The following IGF2 variants were observed in gnomAD, a reference collection of about 807,000 sequenced individuals.
The protein encoded by IGF2 is insulin like growth factor 2.
Under a neutral mutation model 12.0 loss-of-function variants are expected in IGF2, and 2 were observed. The observed-to-expected ratio is 0.17, with a 90% CI of 0.07 to 0.52. The LOEUF is 0.52. IGF2 is among the 20% of genes least tolerant of loss of function. The pLI, the probability that IGF2 is intolerant of heterozygous loss-of-function variation, is 0.95. For missense variants in IGF2, 211 were observed against 268.0 expected, an observed-to-expected ratio of 0.79 and a Z score of 1.48; for synonymous variants, 105 against 110.1, an observed-to-expected ratio of 0.95 and a Z score of 0.29.
At position 2,138,388 on chromosome 11, in the gene IGF2, TG is replaced by T. The variant is rs776260679; in HGVS notation, c.-167del. The stretch of plus-strand genomic sequence containing the variant: ...GCAGAGCGGGGGGATGGCTTTTTTT[TG>T]GGGGGGGGGGGAGAATTCGTCTGAT... On this transcript the variant is annotated 5_prime_UTR_variant, in exon 1 of 4. Transcript: ENST00000416167. 6,287 of 128,126 alleles carry T rather than the reference TG, an allele frequency of 0.049. 62 individuals are homozygous for T. The highest frequency in any genetic ancestry group is 0.11 in the East Asian group (249 of 2,230). The allele number at this position is 128,126 out of a possible 1,614,324, so 7.9% of individuals were successfully genotyped here.
In IGF2 at chr11:2,138,706, G is replaced by A; in HGVS notation, c.-484C>T. 1 of 751,308 alleles carries A rather than the reference G, an allele frequency of 1.3e-6. No individual in the cohort carries two copies. Among genetic ancestry groups the A allele is most frequent in the Non-Finnish European group, 1.6e-6 (1 of 621,064 alleles). 46.5% of individuals were successfully genotyped at this position (751,308 alleles called of 1,614,324 possible). A position where few individuals can be genotyped will look rare whatever the true frequency, so the allele number is the denominator to read the frequency against. Reference sequence around the variant, plus strand: ...CGAAGGCGAGAGGGCGGGCGTGAGGGGGGGAGGGAGTCGGAGGCTAGGAGC... The same window carrying A: ...CGAAGGCGAGAGGGCGGGCGTGAGGAGGGGAGGGAGTCGGAGGCTAGGAGC... On this transcript the variant is annotated 5_prime_UTR_variant, in exon 1 of 4. Coordinates refer to ENST00000416167, the MANE Select transcript of IGF2 (RefSeq NM_000612.6).
the IGF2 span, chr11:2,146,560 C>A: frequency 2.7e-6 from 1 of 373,354 alleles, no homozygotes; most frequent in Non-Finnish European, 5.4e-6. Context: ...GGTTGGGGTG[C>A]TTGGGAGAGG....
upstream of IGF2, among the ~76,000 whole-genome samples, chr11:2,145,644 A>G (rs1161556610): frequency 6.6e-6 from 1 of 152,194 alleles, no homozygotes; most frequent in Non-Finnish European, 1.5e-5. Context: ...TAAGGTAGGA[A>G]GAAGGCTGAG....
chr11:2,132,855 G>A lies in IGF2; in HGVS notation c.*132C>T, dbSNP rs1858704251. On this transcript the variant is annotated 3_prime_UTR_variant, in exon 4 of 4. Transcript: ENST00000416167. The stretch of plus-strand genomic sequence containing the variant: ...CTGTTTCGGGGAGGCGGGGCACGGG[G>A]ACTGGGTCAGGAGAAGCCCCAGGGG... The A allele has an allele frequency of 4.6e-6, 3 of 651,802 alleles. No homozygotes were observed. Among genetic ancestry groups the A allele is most frequent in the East Asian group, 2.8e-5 (1 of 35,268 alleles). 40.4% of individuals were successfully genotyped at this position (651,802 alleles called of 1,614,324 possible). A position where few individuals can be genotyped will look rare whatever the true frequency, so the allele number is the denominator to read the frequency against.
At chr11:2,147,696 A>C in the IGF2 span, 1 of 1,250,582 alleles carries the variant, frequency 8.0e-7, no homozygotes, top group Non-Finnish European at 1.0e-6. This position sits in a 1 kb window ranked among gnomAD's most constrained non-coding sequence, Gnocchi z 7.2. Flanking sequence ...GCTGGGGCTC[A>C]GGCTGTGGGG....
upstream of IGF2, among the ~76,000 whole-genome samples, chr11:2,144,619 C>T (rs1450616502): frequency 6.6e-6 from 1 of 152,202 alleles, no homozygotes; most frequent in African/African-American, 2.4e-5. Flanking sequence ...GAAAGTCTGT[C>T]CACTCCGGCT....
At chr11:2,138,067 C>A (rs938160573) in intron 1 of IGF2, among the ~76,000 whole-genome samples, 162 bp downstream of exon 1, 1 of 151,434 alleles carries the variant, frequency 6.6e-6, no homozygotes, top group African/African-American at 2.4e-5. Flanking sequence ...GACCCGCAGC[C>A]GTCCGTCCTC....
At chr11:2,137,271 G>A in intron 1 of IGF2, 2 of 992,566 alleles carry the variant, frequency 2.0e-6, no homozygotes, top group Non-Finnish European at 2.4e-6. Context: ...TTTCACAGGA[G>A]AAGCTAATGT....
At position 2,133,732 on chromosome 11, in the gene IGF2, A is replaced by AG; in HGVS notation, c.158-68dup. 2.5e-6 allele frequency: 4 copies of AG among 1,582,152 alleles called. No homozygotes were observed. Among genetic ancestry groups the AG allele is most frequent in the Non-Finnish European group, 3.4e-6 (4 of 1,163,370 alleles). ...ACTGACCCCAGCCCCCGGAGGCTGAAGGGGGAGCAAACCACCCCTGCCCTC... is the reference window on the plus strand; with the variant it reads ...ACTGACCCCAGCCCCCGGAGGCTGAAGGGGGGAGCAAACCACCCCTGCCCTC... On this transcript the variant is annotated intron_variant, in intron 2 of 3. Coordinates refer to ENST00000416167, the MANE Select transcript of IGF2 (RefSeq NM_000612.6). The surrounding 1 kb of genome is among the most constrained non-coding windows in gnomAD (Gnocchi z 8.9).
chr11:2,149,502 C>T, the IGF2 span: 1 of 699,828 alleles, frequency 1.4e-6, no homozygotes, highest in Admixed American at 2.7e-5. Flanking sequence ...TTTCCCTGAG[C>T]CCCTCCGAAT....
the IGF2 span, chr11:2,148,798 G>A: frequency 2.7e-4 from 92 of 340,140 alleles, no homozygotes; most frequent in African/African-American, 1.8e-3. This position sits in a 1 kb window ranked among gnomAD's most constrained non-coding sequence, Gnocchi z 4.3. Flanking sequence ...GTGTGTTCCC[G>A]CTGGGAAGAG....
Position 2,131,711 on chromosome 11 carries a change from C to CG in IGF2, c.*1275_*1276insC, listed in dbSNP as rs1858581391. 1 of 158,592 alleles carries CG rather than the reference C, an allele frequency of 6.3e-6. No homozygotes were observed. The highest frequency in any genetic ancestry group is 3.3e-5 in the African/African-American group (1 of 30,330). The allele number at this position is 158,592 out of a possible 1,614,324, so 9.8% of individuals were successfully genotyped here. On this transcript the variant is annotated 3_prime_UTR_variant, in exon 4 of 4. Transcript: ENST00000416167. ...TGTGTTTGTGTGTGTGCTGTGTGTG[C>CG]TGTGTTCGTGTGTGCTGTGTTCGCG...
chr11:2,139,987 C>G (rs548791233), upstream of IGF2: 44 of 655,046 alleles, frequency 6.7e-5, no homozygotes, highest in African/African-American at 7.4e-4. Context: ...CCCCCGGTGC[C>G]GCGCCGGAGC....
rs1858792827 is a variant in IGF2, at chr11:2,133,753, C to A, written c.158-88G>T. 1 of 1,516,386 alleles carries A rather than the reference C, an allele frequency of 6.6e-7. No homozygotes were observed. Among genetic ancestry groups the A allele is most frequent in the Non-Finnish European group, 9.0e-7 (1 of 1,115,032 alleles). The allele number at this position is 1,516,386 out of a possible 1,614,324, so 93.9% of individuals were successfully genotyped here. On this transcript the variant is annotated intron_variant, in intron 2 of 3. Transcript: ENST00000416167. This position sits in a 1 kb window ranked among gnomAD's most constrained non-coding sequence, Gnocchi z 8.9. ...CTGAAGGGGGAGCAAACCACCCCTGCCCTCAGGCCAGGCCCTGGAAGGACG... is the reference window on the plus strand; with the variant it reads ...CTGAAGGGGGAGCAAACCACCCCTGACCTCAGGCCAGGCCCTGGAAGGACG...
intron 1 of IGF2, among the ~76,000 whole-genome samples, chr11:2,135,981 C>G (rs1859003273): frequency 6.6e-6 from 1 of 152,194 alleles, no homozygotes; most frequent in African/African-American, 2.4e-5. Flanking sequence ...CAGCCCCACC[C>G]CTACAGAGCA....
rs1470871283 is a variant in IGF2, at chr11:2,138,523, G to A, written c.-301C>T. 9.0e-6 allele frequency: 7 copies of A among 780,332 alleles called. No individual in the cohort carries two copies. Among genetic ancestry groups the A allele is most frequent in the South Asian group, 1.2e-4 (2 of 16,392 alleles). 48.3% of individuals were successfully genotyped at this position (780,332 alleles called of 1,614,324 possible). A position where few individuals can be genotyped will look rare whatever the true frequency, so the allele number is the denominator to read the frequency against. On this transcript the variant is annotated 5_prime_UTR_variant, in exon 1 of 4. Transcript: ENST00000416167. ...GTCAGCTGTTGTATCAAGGATAGAG[G>A]GGGGCAGAGATAGTGGGAGAGACAG...
chr11:2,136,937 G>T (rs1377902283), intron 1 of IGF2, among the ~76,000 whole-genome samples: 1 of 152,232 alleles, frequency 6.6e-6, no homozygotes, highest in Non-Finnish European at 1.5e-5. Flanking sequence ...GCAGGTGAGG[G>T]CCCAGGAAAA....
At position 2,132,157 on chromosome 11, in the gene IGF2, G is replaced by A. The variant is rs1012619312; in HGVS notation, c.*830C>T. 9.7e-6 allele frequency: 2 copies of A among 207,026 alleles called. No homozygotes were observed. The highest frequency in any genetic ancestry group is 2.3e-5 in the African/African-American group (1 of 43,412). The allele number at this position is 207,026 out of a possible 1,614,324, so 12.8% of individuals were successfully genotyped here. A position where few individuals can be genotyped will look rare whatever the true frequency, so the allele number is the denominator to read the frequency against. On this transcript the variant is annotated 3_prime_UTR_variant, in exon 4 of 4. Transcript: ENST00000416167. ...TGCTTTTTAGGATGGGAATTGAGATGTAAGATTTGGGGGTGAGGGTCGTGC... is the reference window on the plus strand; with the variant it reads ...TGCTTTTTAGGATGGGAATTGAGATATAAGATTTGGGGGTGAGGGTCGTGC...
In IGF2 at chr11:2,138,653, A is replaced by G. The variant is rs1859285793; in HGVS notation, c.-431T>C. The G allele has an allele frequency of 2.1e-6, 2 of 966,844 alleles. No homozygotes were observed. The highest frequency in any genetic ancestry group is 2.4e-6 in the Non-Finnish European group (2 of 825,320). 59.9% of individuals were successfully genotyped at this position (966,844 alleles called of 1,614,324 possible). ...GAGAACAGCACGGAGAGAAACAGAA[A>G]GCGTGTAATTAATCCACTTTGGTTC... is the stretch of plus-strand genomic sequence containing the variant. On this transcript the variant is annotated 5_prime_UTR_variant, in exon 1 of 4. Transcript: ENST00000416167.
Sources: gnomAD v4.1 joint callset for allele counts (sites outside exome capture counted in the v4.1 genomes callset) on GRCh38, gnomAD v4.1.1 for gene constraint, Gnocchi (gnomAD v3.1) non-coding constraint, MANE v1.5 for transcripts, NCBI Gene and HGNC (gene_info 2026-07-23, HGNC 2026-07-21) for gene names.